The following CNTN5 variants were observed in gnomAD, a reference collection of about 807,000 sequenced individuals.
The protein encoded by CNTN5 is contactin-5.
CNTN5 carries 77 observed loss-of-function variants against 129.1 expected under a neutral mutation model. The observed-to-expected ratio is 0.60, with a 90% CI of 0.50 to 0.72. The LOEUF is 0.72. CNTN5 is among the 30% of genes least tolerant of loss of function. The probability of loss-of-function intolerance (pLI) is 0.00; values close to 1 mark genes in which losing one functional copy is unlikely to be tolerated. For synonymous variants in CNTN5, 509 were observed against 465.6 expected (o/e 1.09, Z -1.20); for missense variants, 1,478 against 1,328.8 (o/e 1.11, Z -1.75).
chr11:99,727,460 C>A (rs978023891), intron 3 of CNTN5, among the ~76,000 whole-genome samples: 2 of 151,750 alleles, frequency 1.3e-5, no homozygotes, highest in Admixed American at 1.3e-4. Flanking sequence ...ATGTCACAAA[C>A]CCAAACCTTA....
chr11:99,478,821 G>A (rs974906937), intron 2 of CNTN5, among the ~76,000 whole-genome samples: 1 of 152,040 alleles, frequency 6.6e-6, no homozygotes, highest in Non-Finnish European at 1.5e-5. Context: ...AAATATACAT[G>A]TGCATTTTAT....
chr11:99,088,098 T>A (rs1866074373), intron 1 of CNTN5, among the ~76,000 whole-genome samples: 1 of 152,168 alleles, frequency 6.6e-6, no homozygotes. Flanking sequence ...ATATTAAACC[T>A]TGGGTTCAGG....
At chr11:99,661,568 A>G (rs1049574420) in intron 3 of CNTN5, among the ~76,000 whole-genome samples, 2 of 152,076 alleles carry the variant, frequency 1.3e-5, no homozygotes, top group Non-Finnish European at 2.9e-5. Context: ...TACGATGTGC[A>G]TGCATTTGTT....
At chr11:99,415,379 G>C (rs1470213988) in intron 2 of CNTN5, among the ~76,000 whole-genome samples, 1 of 152,162 alleles carries the variant, frequency 6.6e-6, no homozygotes, top group Non-Finnish European at 1.5e-5. Flanking sequence ...AGCAAGGCTT[G>C]TCTGTTCAGC....
At chr11:100,226,891 C>A (rs1949386250) in intron 16 of CNTN5, among the ~76,000 whole-genome samples, 1 of 152,062 alleles carries the variant, frequency 6.6e-6, no homozygotes, top group Non-Finnish European at 1.5e-5. Flanking sequence ...CCTTCTCACA[C>A]TCCTCCATTT....
chr11:99,688,165 G>C (rs1773104416), intron 3 of CNTN5, among the ~76,000 whole-genome samples: 1 of 152,126 alleles, frequency 6.6e-6, no homozygotes, highest in South Asian at 2.1e-4. Context: ...AAACAGAGTA[G>C]TCATATAGTA....
chr11:99,179,934 TTA>T (rs761834562), intron 1 of CNTN5, among the ~76,000 whole-genome samples: 1 of 152,194 alleles, frequency 6.6e-6, no homozygotes, highest in Non-Finnish European at 1.5e-5. Flanking sequence ...CGTTTTTGTA[TTA>T]TGTTTTAGTT....
At chr11:99,212,261 C>T (rs1206036587) in intron 1 of CNTN5, among the ~76,000 whole-genome samples, 1 of 152,098 alleles carries the variant, frequency 6.6e-6, no homozygotes, top group Non-Finnish European at 1.5e-5. Context: ...ATGATTTCAC[C>T]GGGATGCTTC....
intron 8 of CNTN5, among the ~76,000 whole-genome samples, chr11:99,990,003 G>T (rs1265321260): frequency 6.6e-6 from 1 of 152,122 alleles, no homozygotes; most frequent in African/African-American, 2.4e-5. Flanking sequence ...CTGACCTCAT[G>T]ATATGCCCGC....
chr11:99,178,391 T>G (rs1361342875), intron 1 of CNTN5, among the ~76,000 whole-genome samples: 1 of 150,864 alleles, frequency 6.6e-6, no homozygotes, highest in Admixed American at 6.6e-5. Flanking sequence ...TGTGGGGCTG[T>G]GCACCTGTAG....
intron 2 of CNTN5, among the ~76,000 whole-genome samples, chr11:99,526,898 T>TA (rs1591220114): frequency 6.6e-6 from 1 of 152,246 alleles, no homozygotes; most frequent in African/African-American, 2.4e-5. Flanking sequence ...GAAACTGCTC[T>TA]GATGTTTTAC....
intron 8 of CNTN5, among the ~76,000 whole-genome samples, chr11:99,986,497 C>T (rs1938688070): frequency 6.6e-6 from 1 of 152,122 alleles, no homozygotes; most frequent in African/African-American, 2.4e-5. Flanking sequence ...CCCTAGACTC[C>T]ATCTCTTCTT....
At chr11:99,241,138 T>C (rs1379637341) in intron 1 of CNTN5, among the ~76,000 whole-genome samples, 2 of 152,124 alleles carry the variant, frequency 1.3e-5, no homozygotes, top group Non-Finnish European at 2.9e-5. Context: ...TCTTTTAATA[T>C]TACTCTCCAT....
intron 3 of CNTN5, among the ~76,000 whole-genome samples, chr11:99,798,027 A>G (rs1946001364): frequency 6.6e-6 from 1 of 152,066 alleles, no homozygotes; most frequent in Admixed American, 6.6e-5. Context: ...TGTGTCATGG[A>G]GGTTTGTTGT....
chr11:99,073,373 G>GTTTTTTTTTT (rs1491116506), intron 1 of CNTN5, among the ~76,000 whole-genome samples: 2 of 87,330 alleles, frequency 2.3e-5, no homozygotes, highest in Non-Finnish European at 4.9e-5. Context: ...TTTATGGTTT[G>GTTTTTTTTTT]GTTTTTTTTT....
intron 3 of CNTN5, among the ~76,000 whole-genome samples, chr11:99,798,357 C>T (rs1946013660): frequency 6.6e-6 from 1 of 152,144 alleles, no homozygotes; most frequent in Non-Finnish European, 1.5e-5. Flanking sequence ...CTCAAGTCTA[C>T]TGTCCAGAAC....
rs150854928 is a variant in CNTN5, at chr11:99,855,093, G to T, written c.577+9831G>T. On this transcript the variant is annotated intron_variant, in intron 6 of 24. Transcript: ENST00000524871. ...AGAGGCTGAGGCAGGAAGATCACTT[G>T]AGGCTAGGAGTTCAAGACCAGCCTG... Among the ~76,000 whole-genome samples, 1,218 of 152,208 alleles carry T rather than the reference G, an allele frequency of 8.0e-3. 16 individuals carry two copies. The highest frequency in any genetic ancestry group is 0.027 in the African/African-American group (1,104 of 41,530).
At chr11:99,302,361 T>G (rs1431203453) in intron 1 of CNTN5, among the ~76,000 whole-genome samples, 1 of 151,600 alleles carries the variant, frequency 6.6e-6, no homozygotes, top group Non-Finnish European at 1.5e-5. Flanking sequence ...AAAACACAAT[T>G]TAATGAAATC....
intron 3 of CNTN5, among the ~76,000 whole-genome samples, chr11:99,707,981 T>C (rs1225190200): frequency 6.6e-6 from 1 of 151,648 alleles, no homozygotes; most frequent in Non-Finnish European, 1.5e-5. Context: ...TTGAAATGTG[T>C]CCTGGATAGG....
Sources: allele counts gnomAD v4.1 joint callset (sites outside exome capture counted in the v4.1 genomes callset), GRCh38; gene constraint gnomAD v4.1.1; transcripts MANE v1.5; gene names NCBI Gene and HGNC (gene_info 2026-07-23, HGNC 2026-07-21).